PRICKLE2: variants seen among roughly 807,000 people sequenced by gnomAD.
The protein encoded by PRICKLE2 is prickle-like protein 2.
PRICKLE2 carries 21 observed loss-of-function variants against 81.4 expected under a neutral mutation model. The observed-to-expected ratio is 0.26, with a 90% CI of 0.18 to 0.37. The LOEUF (loss-of-function observed/expected upper bound fraction) is 0.37, where lower values mean the gene tolerates loss of function less well. PRICKLE2 is among the 10% of genes least tolerant of loss of function. The pLI is 1.00. For missense variants in PRICKLE2, 940 were observed against 1,109.0 expected (o/e 0.85, Z 2.16); for synonymous variants, 456 against 421.5 (o/e 1.08, Z -1.00).
In PRICKLE2 at chr3:64,225,189, T is replaced by G. The variant is rs886058804; in HGVS notation, c.-320A>C. The G allele has an allele frequency of 1.0e-6, 1 of 985,414 alleles. No individual in the cohort carries two copies. Among genetic ancestry groups the G allele is most frequent in the Non-Finnish European group, 1.2e-6 (1 of 829,958 alleles). The allele number at this position is 985,414 out of a possible 1,614,324, so 61.0% of individuals were successfully genotyped here. A position where few individuals can be genotyped will look rare whatever the true frequency, so the allele number is the denominator to read the frequency against. The stretch of plus-strand genomic sequence containing the variant: ...AATTCACCAAGCAAGAGAAAAAAAG[T>G]ATGACTTCTACTCTTCCTCTAGATC... On this transcript the variant is annotated 5_prime_UTR_variant, in exon 1 of 8. Transcript: ENST00000638394.
At chr3:64,181,272 T>C (rs2078128233) in intron 2 of PRICKLE2, among the ~76,000 whole-genome samples, 1 of 152,136 alleles carries the variant, frequency 6.6e-6, no homozygotes, top group Admixed American at 6.5e-5. Context: ...CAAAAGGTGT[T>C]AGCCAACAAT....
At chr3:64,214,834 A>G (rs759372893) in intron 1 of PRICKLE2, among the ~76,000 whole-genome samples, 8 of 152,160 alleles carry the variant, frequency 5.3e-5, no homozygotes, top group Non-Finnish European at 8.8e-5. Flanking sequence ...ACGCCTACAC[A>G]CTTTTAGCAT....
Position 64,225,324 on chromosome 3 carries a change from C to G in PRICKLE2, c.-455G>C. ...ATAGACTCCAGCCCAGCGTCACCAG[C>G]TGATCCTGAGCCAGACCCGGGGTGA... On this transcript the variant is annotated 5_prime_UTR_variant, in exon 1 of 8. Coordinates refer to ENST00000638394, the MANE Select transcript of PRICKLE2 (RefSeq NM_198859.4). 2 of 985,446 alleles carry G rather than the reference C, an allele frequency of 2.0e-6. No homozygotes were observed. The highest frequency in any genetic ancestry group is 1.7e-5 in the African/African-American group (1 of 57,348). The allele number at this position is 985,446 out of a possible 1,614,324, so 61.0% of individuals were successfully genotyped here. A position where few individuals can be genotyped will look rare whatever the true frequency, so the allele number is the denominator to read the frequency against.
At chr3:64,130,259 A>G (rs552053831) in intron 7 of PRICKLE2, among the ~76,000 whole-genome samples, 1 of 114,558 alleles carries the variant, frequency 8.7e-6, no homozygotes, top group South Asian at 3.0e-4. Flanking sequence ...GATGCTAATT[A>G]TGGCAAATAC....
chr3:64,146,539 C>T (rs1236334617), intron 7 of PRICKLE2: 5 of 353,002 alleles, frequency 1.4e-5, no homozygotes, highest in South Asian at 8.2e-5. Flanking sequence ...GTCAGGAGAT[C>T]GAGAACATCC....
chr3:64,179,365 C>T (rs1011377754), intron 2 of PRICKLE2, among the ~76,000 whole-genome samples: 6 of 152,116 alleles, frequency 3.9e-5, no homozygotes, highest in Non-Finnish European at 7.3e-5. Flanking sequence ...TGTGAGCCAC[C>T]GTGCCTGGCC....
Position 64,176,784 on chromosome 3 carries a change from C to T in PRICKLE2, c.145-13655G>A, listed in dbSNP as rs1462939215. 2.6e-5 allele frequency among the ~76,000 whole-genome samples: 4 copies of T among 152,334 alleles called. No homozygotes were observed. In the South Asian group the frequency reaches 6.2e-4, roughly 24 times the overall value. On this transcript the variant is annotated intron_variant, in intron 2 of 7. Transcript: ENST00000638394. ...ACAAAGGATGTATTTCTGACTACCA[C>T]GGCTACTTTCAGCCTGAGTAACTTG...
intron 6 of PRICKLE2, among the ~76,000 whole-genome samples, chr3:64,148,781 A>G (rs1164500380): frequency 6.6e-6 from 1 of 152,154 alleles, no homozygotes; most frequent in Non-Finnish European, 1.5e-5. Context: ...CATCCAGGAA[A>G]CAAAAAACAG....
intron 2 of PRICKLE2, among the ~76,000 whole-genome samples, chr3:64,263,099 G>T (rs746345598): frequency 6.6e-6 from 1 of 152,162 alleles, no homozygotes; most frequent in East Asian, 1.9e-4. Context: ...GTAAAACATC[G>T]TATGTTCCAC....
chr3:64,135,998 C>A (rs893881647), intron 7 of PRICKLE2, among the ~76,000 whole-genome samples: 1 of 152,060 alleles, frequency 6.6e-6, no homozygotes, highest in African/African-American at 2.4e-5. Flanking sequence ...ATTCCAAAAC[C>A]ATCAAATGCT....
intron 7 of PRICKLE2, among the ~76,000 whole-genome samples, chr3:64,129,568 A>AC (rs2077168835): frequency 1.3e-5 from 2 of 151,994 alleles, no homozygotes; most frequent in Non-Finnish European, 2.9e-5. Flanking sequence ...AAAACTTGAG[A>AC]AACACCGGTC....
intron 7 of PRICKLE2, chr3:64,101,900 G>C (rs2076670520): frequency 6.6e-6 from 1 of 152,200 alleles, no homozygotes; most frequent in Non-Finnish European, 1.5e-5. Flanking sequence ...ACTAAACAAA[G>C]GTAAAATCAG....
intron 2 of PRICKLE2, among the ~76,000 whole-genome samples, chr3:64,177,236 A>C (rs1435364083): frequency 7.1e-6 from 1 of 141,462 alleles, no homozygotes; most frequent in Non-Finnish European, 1.5e-5. Context: ...CCCGGGTTCA[A>C]GTGATTCTCC....
intron 7 of PRICKLE2, among the ~76,000 whole-genome samples, chr3:64,112,866 A>C (rs1193160080): frequency 1.3e-5 from 2 of 152,260 alleles, no homozygotes; most frequent in African/African-American, 4.8e-5. Context: ...ATGGCTGACT[A>C]GACGGAGACA....
chr3:64,266,733 A>C (rs528472416), intron 2 of PRICKLE2, among the ~76,000 whole-genome samples: 55 of 152,306 alleles, frequency 3.6e-4, no homozygotes, highest in Non-Finnish European at 6.2e-4. Flanking sequence ...CTAGCTGCAC[A>C]GATAAAAACA....
intron 2 of PRICKLE2, among the ~76,000 whole-genome samples, chr3:64,239,897 T>A: frequency 6.8e-6 from 1 of 146,006 alleles, no homozygotes; most frequent in Non-Finnish European, 1.5e-5. Context: ...GGTAGATTGC[T>A]TGAGCCCAGG....
At position 64,214,041 on chromosome 3, in the gene PRICKLE2, T is replaced by C. The variant is rs1346699840; in HGVS notation, c.-41+10869A>G. Among the ~76,000 whole-genome samples, 7 of 152,174 alleles carry C rather than the reference T, an allele frequency of 4.6e-5. No homozygotes were observed. In the South Asian group the frequency reaches 6.2e-4, roughly 14 times the overall value. Reference sequence around the variant, plus strand: ...GCTTATTAATAACATTTTCAGTTTATATTAGGCCGCCTTTCATCCAGGGGA... The same window carrying C: ...GCTTATTAATAACATTTTCAGTTTACATTAGGCCGCCTTTCATCCAGGGGA... On this transcript the variant is annotated intron_variant, in intron 1 of 7. Coordinates refer to ENST00000638394, the MANE Select transcript of PRICKLE2 (RefSeq NM_198859.4).
At chr3:64,151,502 C>A (rs2077547225) in intron 6 of PRICKLE2, among the ~76,000 whole-genome samples, 1 of 152,260 alleles carries the variant, frequency 6.6e-6, no homozygotes, top group South Asian at 2.1e-4. Flanking sequence ...AAGTACTGAG[C>A]AAAAATTCTA....
At chr3:64,142,636 A>G (rs2077381599) in intron 7 of PRICKLE2, among the ~76,000 whole-genome samples, 1 of 152,088 alleles carries the variant, frequency 6.6e-6, no homozygotes, top group East Asian at 1.9e-4. Context: ...TCAAATCTAA[A>G]ATGCAAACCT....
Sources: gnomAD v4.1 joint callset for allele counts (sites outside exome capture counted in the v4.1 genomes callset) on GRCh38, gnomAD v4.1.1 for gene constraint, MANE v1.5 for transcripts, NCBI Gene and HGNC (gene_info 2026-07-23, HGNC 2026-07-21) for gene names.